Variants in NFU1 observed in about 807,000 individuals in gnomAD.
NFU1 encodes NFU1 iron-sulfur cluster scaffold.
A neutral mutation model predicts 32.2 loss-of-function variants in NFU1; 30 were observed. The observed-to-expected ratio is 0.93, with a 90% CI of 0.70 to 1.26. The LOEUF is 1.26. Among genes scored for constraint, NFU1 ranks in the 50% most tolerant of loss-of-function variants. The pLI is 0.00. For synonymous variants in NFU1, 112 were observed against 104.6 expected (o/e 1.07, Z -0.43); for missense variants, 306 against 306.6 (o/e 1.00, Z 0.02).
At chr2:69,437,722 G>A (rs1673907484), upstream of NFU1, 1 of 526,382 alleles carries the variant, frequency 1.9e-6, no homozygotes, top group East Asian at 3.4e-5. Context: ...TTTAGCTGGT[G>A]CTGGTGCTGC....
intron 6 of NFU1, among the ~76,000 whole-genome samples, 177 bp downstream of exon 6, chr2:69,405,845 T>G (rs1672677391): frequency 1.3e-5 from 2 of 152,196 alleles, no homozygotes; most frequent in African/African-American, 4.8e-5. Context: ...AAATTTTGAG[T>G]AAATGTAGAG....
chr2:69,423,216 G>A lies in NFU1; in HGVS notation c.302+366C>T, dbSNP rs1433289474. On this transcript the variant is annotated intron_variant, in intron 3 of 7. Coordinates refer to ENST00000410022, the MANE Select transcript of NFU1 (RefSeq NM_001002755.4). ...TGGGCTGTGTGTGTGTGTGGGGGGG[G>A]GCGGGTAGAGATGGGCTCTCTGTGT... Among the ~76,000 whole-genome samples, 2 of 110,672 alleles carry A rather than the reference G, an allele frequency of 1.8e-5. 1 individual carries two copies. Among genetic ancestry groups the A allele is most frequent in the Non-Finnish European group, 3.9e-5 (2 of 50,640 alleles). The allele number at this position is 110,672 out of a possible 152,430, so 72.6% of individuals were successfully genotyped here.
intron 7 of NFU1, 112 bp from the exon 8 acceptor site, chr2:69,396,402 C>A (rs973197395): frequency 4.4e-4 from 310 of 705,946 alleles, no homozygotes; most frequent in East Asian, 1.3e-3. Context: ...TGAGGCATGA[C>A]AAGCCAGTAA....
chr2:69,405,263 T>TA (rs1361219308), intron 6 of NFU1, among the ~76,000 whole-genome samples: 2 of 152,170 alleles, frequency 1.3e-5, no homozygotes, highest in Admixed American at 1.3e-4. Flanking sequence ...ACTATAGGCT[T>TA]ACTTTTCTTA....
intron 6 of NFU1, among the ~76,000 whole-genome samples, chr2:69,401,648 G>A (rs900464360): frequency 6.6e-6 from 1 of 152,164 alleles, no homozygotes; most frequent in Non-Finnish European, 1.5e-5. Context: ...TGAATAAAGA[G>A]TATGAATATG....
chr2:69,424,911 C>T (rs1222736423), intron 2 of NFU1, among the ~76,000 whole-genome samples: 2 of 142,430 alleles, frequency 1.4e-5, no homozygotes, highest in African/African-American at 5.3e-5. Flanking sequence ...GAGTCTCCCT[C>T]TGTCGCCCAG....
At chr2:69,413,272 C>T (rs1421017690) in intron 5 of NFU1, among the ~76,000 whole-genome samples, 6 of 133,416 alleles carry the variant, frequency 4.5e-5, no homozygotes, top group African/African-American at 1.7e-4. Flanking sequence ...GCAACAAGAG[C>T]GAAACTCCGT....
intron 3 of NFU1, among the ~76,000 whole-genome samples, chr2:69,421,702 G>C (rs1398564508): frequency 1.3e-5 from 2 of 151,370 alleles, no homozygotes; most frequent in Admixed American, 1.3e-4. Context: ...CGAGTGGCTA[G>C]GACTACAGGC....
intron 2 of NFU1, among the ~76,000 whole-genome samples, chr2:69,424,673 G>C (rs1479354580): frequency 1.3e-5 from 2 of 152,048 alleles, no homozygotes; most frequent in Non-Finnish European, 2.9e-5. Context: ...TCATAATTCA[G>C]GAGTCCTATA....
At chr2:69,421,121 T>C (rs1470187913) in intron 3 of NFU1, among the ~76,000 whole-genome samples, 1 of 151,930 alleles carries the variant, frequency 6.6e-6, no homozygotes, top group African/African-American at 2.4e-5. Context: ...GGAGAATAGC[T>C]TGAACCCAGG....
intron 3 of NFU1, among the ~76,000 whole-genome samples, chr2:69,423,146 T>TTGTG (rs1169374450): frequency 9.1e-5 from 12 of 132,130 alleles, no homozygotes; most frequent in African/African-American, 2.9e-4. Context: ...TCAGCTAAAT[T>TTGTG]TGTGTGTGTG....
chr2:69,410,960 C>T (rs535713148), intron 5 of NFU1: 3 of 152,024 alleles, frequency 2.0e-5, no homozygotes, highest in Admixed American at 2.0e-4. Context: ...AATTGAGGAA[C>T]TTTTTCTTCC....
chr2:69,430,667 C>A (rs1673609332), intron 2 of NFU1, among the ~76,000 whole-genome samples: 2 of 152,174 alleles, frequency 1.3e-5, no homozygotes, highest in African/African-American at 4.8e-5. Flanking sequence ...ATATTTCAGT[C>A]CTACAAAGTT....
At chr2:69,413,499 C>G (rs1047391758) in intron 5 of NFU1, among the ~76,000 whole-genome samples, 1 of 152,100 alleles carries the variant, frequency 6.6e-6, no homozygotes, top group Non-Finnish European at 1.5e-5. Context: ...GGGTGGCTCA[C>G]GCCTGTAATC....
chr2:69,406,065 C>T lies in NFU1; in HGVS notation c.502G>A (p.Glu168Lys). The T allele has an allele frequency of 1.3e-6, 2 of 1,596,494 alleles. No homozygotes were observed. The highest frequency in any genetic ancestry group is 1.7e-6 in the Non-Finnish European group (2 of 1,165,222). Residue 168 changes from glutamate to lysine, a missense_variant, in exon 6 of 8, where the codon GAA becomes AAA. By Grantham distance (56) the Glu-to-Lys change is moderately conservative. Transcript: ENST00000410022. ...SGEAGSEEDDEVVAMIKELLD... is the reference protein window; with the variant it reads ...SGEAGSEEDDKVVAMIKELLD... Reference sequence around the variant, plus strand: ...AATTCCTTAATCATTGCCACAACTTCATCATCTTCTTCAGATCCTAGAAAT... The same window carrying T: ...AATTCCTTAATCATTGCCACAACTTTATCATCTTCTTCAGATCCTAGAAAT...
intron 5 of NFU1, among the ~76,000 whole-genome samples, chr2:69,411,353 A>G (rs4481034): frequency 0.66 from 99,764 of 151,974 alleles, 34,072 homozygotes; most frequent in African/African-American, 0.86. Flanking sequence ...TTCATGTACA[A>G]TCACTCTTCC....
At chr2:69,401,275 G>A (rs1303142467) in intron 6 of NFU1, among the ~76,000 whole-genome samples, 1 of 152,136 alleles carries the variant, frequency 6.6e-6, no homozygotes, top group Admixed American at 6.6e-5. Context: ...CAACAAAAAT[G>A]CTGCCATTAT....
At chr2:69,437,486 T>C, upstream of NFU1, 2 of 1,571,304 alleles carry the variant, frequency 1.3e-6, no homozygotes, top group Non-Finnish European at 1.7e-6. Flanking sequence ...AGCCGCAGGC[T>C]GGCCGGTAGC....
At chr2:69,427,723 T>A (rs1673510973) in intron 2 of NFU1, among the ~76,000 whole-genome samples, 1 of 147,042 alleles carries the variant, frequency 6.8e-6, no homozygotes, top group East Asian at 2.0e-4. Context: ...GGCTCACACC[T>A]GTAATCCCAG....
Sources: allele counts gnomAD v4.1 joint callset (sites outside exome capture counted in the v4.1 genomes callset), GRCh38; gene constraint gnomAD v4.1.1; transcripts MANE v1.5; gene names NCBI Gene and HGNC (gene_info 2026-07-23, HGNC 2026-07-21).